GFRA2: variants seen among roughly 807,000 people sequenced by gnomAD.
The protein encoded by GFRA2 is GDNF family receptor alpha-2.
In GFRA2, 17 loss-of-function variants were observed where a neutral mutation model predicts 48.3. That is an observed-to-expected ratio of 0.35 (90% CI 0.24 to 0.53). GFRA2 has a LOEUF of 0.53. Among genes scored for constraint, GFRA2 ranks in the 20% least tolerant of loss-of-function variants. The pLI is 0.93. For synonymous variants in GFRA2, 305 were observed against 257.2 expected, an observed-to-expected ratio of 1.19 and a Z score of -1.78; for missense variants, 660 against 637.3, an observed-to-expected ratio of 1.04 and a Z score of -0.38.
intron 4 of GFRA2, among the ~76,000 whole-genome samples, chr8:21,736,982 C>G (rs1045595211): frequency 5.9e-5 from 9 of 151,762 alleles, no homozygotes; most frequent in African/African-American, 2.2e-4. Flanking sequence ...ATTCCTTTCA[C>G]CTGTCCCAAG....
intron 4 of GFRA2, among the ~76,000 whole-genome samples, chr8:21,727,542 C>A (rs1051082543): frequency 5.9e-5 from 9 of 152,212 alleles, no homozygotes; most frequent in Admixed American, 4.6e-4. Context: ...ATCACGGCCC[C>A]CCCCAGGAGA....
chr8:21,705,854 A>G (rs1802713609), intron 5 of GFRA2, 78 bp downstream of exon 5: 1 of 938,866 alleles, frequency 1.1e-6, no homozygotes. Flanking sequence ...GCTGGCCCTG[A>G]GCTGGGCTGC....
At chr8:21,770,502 T>G (rs981153743) in intron 3 of GFRA2, among the ~76,000 whole-genome samples, 7 of 152,200 alleles carry the variant, frequency 4.6e-5, no homozygotes, top group African/African-American at 1.7e-4. Context: ...CATGTGTGCC[T>G]TCCCTCTGGG....
chr8:21,752,846 T>C (rs920130371), intron 3 of GFRA2, among the ~76,000 whole-genome samples: 5 of 152,130 alleles, frequency 3.3e-5, no homozygotes, highest in African/African-American at 7.2e-5. Context: ...TTGACTCTTA[T>C]TCATACACTG....
intron 3 of GFRA2, among the ~76,000 whole-genome samples, chr8:21,766,002 A>G (rs1366110531): frequency 6.6e-6 from 1 of 152,146 alleles, no homozygotes; most frequent in Non-Finnish European, 1.5e-5. Context: ...CCCATGATCC[A>G]TCCTCCACAG....
At chr8:21,764,739 T>G (rs1001470395) in intron 3 of GFRA2, among the ~76,000 whole-genome samples, 1 of 152,226 alleles carries the variant, frequency 6.6e-6, no homozygotes, top group African/African-American at 2.4e-5. Context: ...CCACCCTCTC[T>G]TGGGACCTTT....
At position 21,775,107 on chromosome 8, in the gene GFRA2, C is replaced by A. The variant is rs898710677; in HGVS notation, c.356-52G>T. The A allele has an allele frequency of 9.9e-6, 9 of 909,352 alleles. No individual in the cohort carries two copies. The East Asian group carries it at 1.9e-4, about 20-fold the overall frequency. The allele number at this position is 909,352 out of a possible 1,614,324, so 56.3% of individuals were successfully genotyped here. A position where few individuals can be genotyped will look rare whatever the true frequency, so the allele number is the denominator to read the frequency against. On this transcript the variant is annotated intron_variant, in intron 2 of 8. Coordinates refer to ENST00000524240, the MANE Select transcript of GFRA2 (RefSeq NM_001495.5). ...CGGGCTCCTCCGGGCCAGAGCGCTG[C>A]CGGCACTTAGCAAATCTGCCGGAGG...
intron 4 of GFRA2, among the ~76,000 whole-genome samples, chr8:21,742,282 C>T (rs1168664704): frequency 2.0e-5 from 3 of 152,052 alleles, no homozygotes; most frequent in Non-Finnish European, 2.9e-5. Flanking sequence ...GCCCTCATGA[C>T]GGGATTAGTG....
At chr8:21,804,209 C>G (rs1807819250) in intron 2 of GFRA2, among the ~76,000 whole-genome samples, 1 of 151,756 alleles carries the variant, frequency 6.6e-6, no homozygotes, top group Non-Finnish European at 1.5e-5. Context: ...TGCACACACA[C>G]ACACACACAC....
chr8:21,710,049 G>A (rs2117390863), intron 4 of GFRA2, among the ~76,000 whole-genome samples: 1 of 152,296 alleles, frequency 6.6e-6, no homozygotes, highest in South Asian at 2.1e-4. Context: ...GCTGGCCAGA[G>A]GGACTCCTCA....
intron 4 of GFRA2, among the ~76,000 whole-genome samples, chr8:21,711,147 T>G (rs1485677587): frequency 2.6e-5 from 4 of 152,226 alleles, no homozygotes; most frequent in Non-Finnish European, 4.4e-5. Flanking sequence ...CTGTGCCTTC[T>G]CTAGACCAAA....
intron 3 of GFRA2, among the ~76,000 whole-genome samples, chr8:21,765,312 T>C (rs540012925): frequency 9.9e-5 from 15 of 152,150 alleles, no homozygotes; most frequent in African/African-American, 3.6e-4. Context: ...GGTTTTGCTA[T>C]GTTGCTCAGG....
chr8:21,730,012 T>C (rs1434637369), intron 4 of GFRA2, among the ~76,000 whole-genome samples: 3 of 151,514 alleles, frequency 2.0e-5, no homozygotes, highest in African/African-American at 7.3e-5. Flanking sequence ...GAGGAGGAGC[T>C]GCAGGGTGGA....
chr8:21,721,084 T>G (rs555090725), intron 4 of GFRA2, among the ~76,000 whole-genome samples: 2 of 151,988 alleles, frequency 1.3e-5, no homozygotes, highest in Admixed American at 6.5e-5. Flanking sequence ...TCTGGAGGCA[T>G]GGAGGACTTT....
At chr8:21,717,805 C>G (rs185499753) in intron 4 of GFRA2, among the ~76,000 whole-genome samples, 36 of 152,294 alleles carry the variant, frequency 2.4e-4, no homozygotes, top group Admixed American at 1.6e-3. Context: ...AAATGGCCAC[C>G]AAACCCTTCA....
chr8:21,704,129 C>G (rs1802622380), intron 6 of GFRA2, among the ~76,000 whole-genome samples: 1 of 152,238 alleles, frequency 6.6e-6, no homozygotes, highest in African/African-American at 2.4e-5. Flanking sequence ...TTGGCAGTTC[C>G]CTCCACCCGC....
chr8:21,790,443 T>A (rs1319790814), upstream of GFRA2, among the ~76,000 whole-genome samples: 3 of 152,204 alleles, frequency 2.0e-5, no homozygotes, highest in Non-Finnish European at 4.4e-5. Flanking sequence ...GAAATCGACT[T>A]GGACGAGAAG....
intron 3 of GFRA2, among the ~76,000 whole-genome samples, chr8:21,765,313 G>A (rs533448290): frequency 3.0e-4 from 45 of 152,018 alleles, no homozygotes; most frequent in Non-Finnish European, 6.0e-4. Flanking sequence ...GTTTTGCTAT[G>A]TTGCTCAGGC....
At chr8:21,757,098 C>G (rs996801651) in intron 3 of GFRA2, among the ~76,000 whole-genome samples, 2 of 152,234 alleles carry the variant, frequency 1.3e-5, no homozygotes, top group African/African-American at 4.8e-5. Flanking sequence ...CTCCTCCCCT[C>G]CTACTCCCTG....
Sources: gnomAD v4.1 joint callset for allele counts (sites outside exome capture counted in the v4.1 genomes callset) on GRCh38, gnomAD v4.1.1 for gene constraint, MANE v1.5 for transcripts, NCBI Gene and HGNC (gene_info 2026-07-23, HGNC 2026-07-21) for gene names.